The following MRGPRE variants were observed in gnomAD, a reference collection of about 807,000 sequenced individuals.
MRGPRE encodes mas-related G protein-coupled receptor member E.
For missense variants in MRGPRE, 466 were observed against 433.4 expected (o/e 1.08, Z -0.67); for synonymous variants, 229 against 206.7 (o/e 1.11, Z -0.92).
chr11:3,228,943 TG>T (rs778368030), intron 1 of MRGPRE, 83 bp from the exon 2 acceptor site: 29 of 679,016 alleles, frequency 4.3e-5, no homozygotes, highest in Non-Finnish European at 7.2e-5. Context: ...GAGAGTTGGG[TG>T]GGTGACCAAG....
In MRGPRE at chr11:3,228,204, A is replaced by T. The variant is rs1330920088; in HGVS notation, c.596T>A (p.Leu199Gln). ...GGGGCCTCGCTCCACCCGCAGCAGC[A>T]GCATAAGGCTGGCCCCACACATGGT... ...CCTMCGASLM[L>Q]LLRVERGPQR... The change falls in exon 2 of 2, where the codon CTG (leucine) becomes CAG (glutamine). Residue 199 changes from leucine (L) to glutamine (Q), a missense_variant. Leu to Gln is a moderately radical substitution (Grantham distance 113). Transcript: ENST00000389832. The T allele has an allele frequency of 6.4e-7, 1 of 1,558,744 alleles. No homozygotes were observed. The highest frequency in any genetic ancestry group is 2.4e-5 in the East Asian group (1 of 42,260).
Position 3,228,092 on chromosome 11 carries a change from G to T in MRGPRE, c.708C>A (p.Tyr236Ter). Residue 236 changes from tyrosine (Y) to a stop codon, truncating the protein, a stop_gained, in exon 2 of 2, where the codon TAC becomes TAA. Coordinates refer to ENST00000389832, the MANE Select transcript of MRGPRE (RefSeq NM_001039165.4). LOFTEE classifies it low-confidence loss of function (END_TRUNC). ...FLFCGLPFGI[Y>*]WLSRNLLWYI... is the part of the protein sequence containing the mutation. Reference sequence around the variant, plus strand: ...ACCAGAGCAGGTTCCGGGACAGCCAGTAGATGCCGAAGGGCAGGCCGCAGA... The same window carrying T: ...ACCAGAGCAGGTTCCGGGACAGCCATTAGATGCCGAAGGGCAGGCCGCAGA... The T allele has an allele frequency of 6.2e-7, 1 of 1,603,488 alleles. No individual in the cohort carries two copies. The highest frequency in any genetic ancestry group is 2.2e-5 in the East Asian group (1 of 44,504).
chr11:3,228,749 G>A lies in MRGPRE; in HGVS notation c.51C>T (p.Ala17=). The A allele has an allele frequency of 6.2e-7, 1 of 1,613,150 alleles. No homozygotes were observed. Among genetic ancestry groups the A allele is most frequent in the Non-Finnish European group, 8.5e-7 (1 of 1,179,632 alleles). Residue 17 remains alanine (A), a synonymous_variant, in exon 2 of 2, where the codon GCC becomes GCT. Transcript: ENST00000389832. ...AGQHVGAANG[A]QEDVAFNLII... is the part of the protein sequence containing the mutation. ...TGAGGTTGAAGGCCACATCCTCCTG[G>A]GCGCCGTTGGCGGCCCCCACGTGCT...
At position 3,229,182 on chromosome 11, in the gene MRGPRE, TGCTA is replaced by T. The variant is rs201918341; in HGVS notation, c.-61-326_-61-323del. Among the ~76,000 whole-genome samples the T allele has an allele frequency of 6.3e-3, 938 of 149,630 alleles. 12 individuals carry two copies. The highest frequency in any genetic ancestry group is 0.022 in the African/African-American group (880 of 40,620). On this transcript the variant is annotated intron_variant, in intron 1 of 1. Coordinates refer to ENST00000389832, the MANE Select transcript of MRGPRE (RefSeq NM_001039165.4). The surrounding 1 kb of genome is among the most constrained non-coding windows in gnomAD (Gnocchi z 4.4). ...GTCTGAGACCCATGGGGCTCCCTGT[TGCTA>T]GTGGTGCCTTGATCCTCAGAATGGG...
rs1847778820 is a variant in MRGPRE at position 3,227,793 on chromosome 11, C to A, written c.*68G>T. The A allele has an allele frequency of 1.5e-6, 2 of 1,322,904 alleles. No homozygotes were observed. The highest frequency in any genetic ancestry group is 5.1e-5 in the East Asian group (2 of 39,130). 81.9% of individuals were successfully genotyped at this position (1,322,904 alleles called of 1,614,324 possible). Reference sequence around the variant, plus strand: ...GGTCCGGCTGGCCCCAGCCTCTGACCCCACCACCTTCCCCAAGTCACCCTC... The same window carrying A: ...GGTCCGGCTGGCCCCAGCCTCTGACACCACCACCTTCCCCAAGTCACCCTC... On this transcript the variant is annotated 3_prime_UTR_variant, in exon 2 of 2. Transcript: ENST00000389832.
rs764310618 is a variant in MRGPRE at position 3,228,255 on chromosome 11, G to T, written c.545C>A (p.Ala182Glu). Residue 182 changes from alanine to glutamate, a missense_variant, in exon 2 of 2, where the codon GCG becomes GAG. By Grantham distance (107) the Ala-to-Glu change is moderately radical. Transcript: ENST00000389832. ...GCAACACAGCAGAGCCAGCAGCACC[G>T]CTGCCACCAGCCACAGCGTCCGGCA... ...HLCRTLWLVAAVLLALLCCTM... is the reference protein window; with the variant it reads ...HLCRTLWLVAEVLLALLCCTM... The T allele has an allele frequency of 6.4e-7, 1 of 1,550,922 alleles. No homozygotes were observed. Among genetic ancestry groups the T allele is most frequent in the Admixed American group, 2.0e-5 (1 of 51,102 alleles).
chr11:3,228,188 C>T lies in MRGPRE; in HGVS notation c.612G>A (p.Glu204=), dbSNP rs1274750121. Residue 204 remains glutamate (E), a synonymous_variant, in exon 2 of 2, where the codon GAG becomes GAA. Transcript: ENST00000389832. ...GASLMLLLRV[E]RGPQRPPPRG... ...GGGGTGGGGGCCGCTGGGGGCCTCG[C>T]TCCACCCGCAGCAGCAGCATAAGGC... is the stretch of plus-strand genomic sequence containing the variant. The T allele has an allele frequency of 1.9e-6, 3 of 1,562,514 alleles. No homozygotes were observed. Among genetic ancestry groups the T allele is most frequent in the East Asian group, 2.3e-5 (1 of 42,732 alleles).
Position 3,228,318 on chromosome 11 carries a change from G to T in MRGPRE, c.482C>A (p.Ala161Asp). 6.4e-7 allele frequency: 1 copy of T among 1,557,026 alleles called. No individual in the cohort carries two copies. Among genetic ancestry groups the T allele is most frequent in the Non-Finnish European group, 8.7e-7 (1 of 1,153,934 alleles). ...GGGCTCCCCGAAGAACTGGGTGCAGGCGCCGCTGAGCAGCAGGTGCAGCAG... is the reference window on the plus strand; with the variant it reads ...GGGCTCCCCGAAGAACTGGGTGCAGTCGCCGCTGAGCAGCAGGTGCAGCAG... ...CLLLHLLLSG[A>D]CTQFFGEPSR... Residue 161 changes from alanine to aspartate, a missense_variant, in exon 2 of 2, where the codon GCC becomes GAC. By Grantham distance (126) the Ala-to-Asp change is moderately radical. Coordinates refer to ENST00000389832, the MANE Select transcript of MRGPRE (RefSeq NM_001039165.4).
At position 3,228,172 on chromosome 11, in the gene MRGPRE, G is replaced by A. The variant is rs765646641; in HGVS notation, c.628C>T (p.Pro210Ser). ...AGCCCAGGGAAGCCCCGGGGTGGGG[G>A]CCGCTGGGGGCCTCGCTCCACCCGC... ...LLRVERGPQR[P>S]PPRGFPGLIL... The change falls in exon 2 of 2, where the codon CCC becomes TCC. Residue 210 changes from proline to serine, a missense_variant. Transcript: ENST00000389832. 12 of 1,566,848 alleles carry A rather than the reference G, an allele frequency of 7.7e-6. No homozygotes were observed. Among genetic ancestry groups the A allele is most frequent in the South Asian group, 5.8e-5 (5 of 85,646 alleles).
rs1169105477 is a variant in MRGPRE at position 3,231,239 on chromosome 11, G to A, written c.-62+902C>T. 6.6e-6 allele frequency among the ~76,000 whole-genome samples: 1 copy of A among 152,114 alleles called. No homozygotes were observed. The highest frequency in any genetic ancestry group is 1.5e-5 in the Non-Finnish European group (1 of 68,018). ...TGGGTGGGCCCCAGGGAGAGAGCAT[G>A]GCAGGGAAGCGATGGACATAGAGGG... is the stretch of plus-strand genomic sequence containing the variant. On this transcript the variant is annotated intron_variant, in intron 1 of 1. Coordinates refer to ENST00000389832, the MANE Select transcript of MRGPRE (RefSeq NM_001039165.4). This position sits in a 1 kb window ranked among gnomAD's most constrained non-coding sequence, Gnocchi z 4.7.
In MRGPRE at chr11:3,226,123, T is replaced by A. The variant is rs775178865; in HGVS notation, c.*1738A>T. 4 of 152,232 alleles carry A rather than the reference T, an allele frequency of 2.6e-5. No individual in the cohort carries two copies. The highest frequency in any genetic ancestry group is 4.8e-5 in the African/African-American group (2 of 41,444). The allele number at this position is 152,232 out of a possible 1,614,324, so 9.4% of individuals were successfully genotyped here. A position where few individuals can be genotyped will look rare whatever the true frequency, so the allele number is the denominator to read the frequency against. On this transcript the variant is annotated 3_prime_UTR_variant, in exon 2 of 2. Transcript: ENST00000389832. ...AGCCCCTCGGAGCCTTGGTGGCTCA[T>A]CTGCAGAGTGGGAGCACCTTCCTAC...
At position 3,226,214 on chromosome 11, in the gene MRGPRE, T is replaced by C. The variant is rs1028772597; in HGVS notation, c.*1647A>G. On this transcript the variant is annotated 3_prime_UTR_variant, in exon 2 of 2. Transcript: ENST00000389832. ...TCATGTCCGTGAGATGAATCTGTGC[T>C]TTTCCTCCTGGTTCTTCCTTGTTCT... The C allele has an allele frequency of 6.6e-6, 1 of 152,308 alleles. No homozygotes were observed. Among genetic ancestry groups the C allele is most frequent in the Non-Finnish European group, 1.5e-5 (1 of 68,090 alleles). 9.4% of individuals were successfully genotyped at this position (152,308 alleles called of 1,614,324 possible).
chr11:3,228,751 C>G lies in MRGPRE; in HGVS notation c.49G>C (p.Ala17Pro). Residue 17 changes from alanine (A) to proline (P), a missense_variant, in exon 2 of 2, where the codon GCC becomes CCC. Coordinates refer to ENST00000389832, the MANE Select transcript of MRGPRE (RefSeq NM_001039165.4). ...AGQHVGAANG[A>P]QEDVAFNLII... ...AGGTTGAAGGCCACATCCTCCTGGGCGCCGTTGGCGGCCCCCACGTGCTGT... is the reference window on the plus strand; with the variant it reads ...AGGTTGAAGGCCACATCCTCCTGGGGGCCGTTGGCGGCCCCCACGTGCTGT... 1 of 1,612,948 alleles carries G rather than the reference C, an allele frequency of 6.2e-7. No individual in the cohort carries two copies. The highest frequency in any genetic ancestry group is 1.1e-5 in the South Asian group (1 of 90,996).
chr11:3,226,225 G>C lies in MRGPRE; in HGVS notation c.*1636C>G, dbSNP rs1436639445. 1 of 152,274 alleles carries C rather than the reference G, an allele frequency of 6.6e-6. No homozygotes were observed. Among genetic ancestry groups the C allele is most frequent in the East Asian group, 1.9e-4 (1 of 5,196 alleles). 9.4% of individuals were successfully genotyped at this position (152,274 alleles called of 1,614,324 possible). A position where few individuals can be genotyped will look rare whatever the true frequency, so the allele number is the denominator to read the frequency against. ...AGATGAATCTGTGCTTTTCCTCCTG[G>C]TTCTTCCTTGTTCTGGGGGAAGTTT... On this transcript the variant is annotated 3_prime_UTR_variant, in exon 2 of 2. Coordinates refer to ENST00000389832, the MANE Select transcript of MRGPRE (RefSeq NM_001039165.4).
intron 1 of MRGPRE, 28 bp from the exon 2 acceptor site, chr11:3,228,888 G>T: frequency 1.8e-6 from 2 of 1,105,632 alleles, no homozygotes; most frequent in Non-Finnish European, 2.6e-6. Flanking sequence ...TGAGTCTGGG[G>T]CTCAGGAATC....
chr11:3,225,327 G>C lies in MRGPRE; in HGVS notation c.*2534C>G, dbSNP rs1282741074. Among the ~76,000 whole-genome samples the C allele has an allele frequency of 6.6e-6, 1 of 152,248 alleles. No individual in the cohort carries two copies. Among genetic ancestry groups the C allele is most frequent in the Non-Finnish European group, 1.5e-5 (1 of 68,036 alleles). On this transcript the variant is annotated 3_prime_UTR_variant, in exon 2 of 2. Coordinates refer to ENST00000389832, the MANE Select transcript of MRGPRE (RefSeq NM_001039165.4). ...GTAGCCGCCTGTTCTTGGGAATTCT[G>C]TGCTGACCGCGGCAGCCCCGCAGGG...
In MRGPRE at chr11:3,227,429, T is replaced by C. The variant is rs572825671; in HGVS notation, c.*432A>G. 2.0e-5 allele frequency among the ~76,000 whole-genome samples: 3 copies of C among 152,214 alleles called. No individual in the cohort carries two copies. The highest frequency in any genetic ancestry group is 7.2e-5 in the African/African-American group (3 of 41,534). On this transcript the variant is annotated 3_prime_UTR_variant, in exon 2 of 2. Transcript: ENST00000389832. ...GTTATCTGTGGGTGCACCTGCAGCA[T>C]TGAGGAAGCTGGAGTGGGAGGGGAG...
Position 3,227,960 on chromosome 11 carries a change from C to T in MRGPRE, c.840G>A (p.Leu280=). The change falls in exon 2 of 2, where the codon CTG becomes CTA. Residue 280 remains leucine (L), a synonymous_variant. Transcript: ENST00000389832. The part of the protein sequence containing the change: ...FCLGSAQGRR[L]PLRLVLQRAL... ...CTCGCTGGAGGACCAGCCGGAGGGG[C>T]AGCCTGCGGCCCTGGGCACTGCCCA... The T allele has an allele frequency of 5.1e-6, 8 of 1,570,392 alleles. No homozygotes were observed. The highest frequency in any genetic ancestry group is 6.9e-6 in the Non-Finnish European group (8 of 1,155,624).
chr11:3,227,882 G>T lies in MRGPRE; in HGVS notation c.918C>A (p.Gly306=). ...LGAVRETSRR[G]LVDIAA ...GGGCTCAGGCTGCTATGTCCACCAG[G>T]CCCCGGCGGGAGGTCTCCCTGACGG... The change falls in exon 2 of 2, where the codon GGC becomes GGA. Residue 306 remains glycine, a synonymous_variant. Coordinates refer to ENST00000389832, the MANE Select transcript of MRGPRE (RefSeq NM_001039165.4). The T allele has an allele frequency of 6.9e-7, 1 of 1,457,720 alleles. No individual in the cohort carries two copies. Among genetic ancestry groups the T allele is most frequent in the Non-Finnish European group, 9.1e-7 (1 of 1,103,054 alleles). The allele number at this position is 1,457,720 out of a possible 1,614,324, so 90.3% of individuals were successfully genotyped here.
Sources: gnomAD v4.1 joint callset for allele counts (sites outside exome capture counted in the v4.1 genomes callset) on GRCh38, gnomAD v4.1.1 for gene constraint, Gnocchi (gnomAD v3.1) non-coding constraint, MANE v1.5 for transcripts, NCBI Gene and HGNC (gene_info 2026-07-23, HGNC 2026-07-21) for gene names.